ZNF558: variants seen among roughly 807,000 people sequenced by gnomAD.
ZNF558 encodes zinc finger protein 558.
In ZNF558, 23 loss-of-function variants were observed where a neutral mutation model predicts 37.6. The ratio of observed to expected loss-of-function variants is 0.61; its 90% confidence interval spans 0.44 to 0.87. ZNF558 has a LOEUF of 0.87. Among genes scored for constraint, ZNF558 ranks in the 40% least tolerant of loss-of-function variants. The pLI, the probability that ZNF558 is intolerant of heterozygous loss-of-function variation, is 0.00. For synonymous variants in ZNF558, 189 were observed against 174.4 expected, an observed-to-expected ratio of 1.08 and a Z score of -0.66; for missense variants, 429 against 483.7, an observed-to-expected ratio of 0.89 and a Z score of 1.06.
At chr19:8,813,283 A>ACC in intron 7 of ZNF558, 61 bp from the exon 8 acceptor site, 1 of 1,296,348 alleles carries the variant, frequency 7.7e-7, no homozygotes. Context: ...CAAGTCCATG[A>ACC]AAGAAAGCCA....
At chr19:8,819,514 T>C (rs1369766336) in intron 7 of ZNF558, among the ~76,000 whole-genome samples, 5 of 152,160 alleles carry the variant, frequency 3.3e-5, no homozygotes, top group Non-Finnish European at 7.3e-5. Flanking sequence ...AAGGACACTA[T>C]CAAGAAAATG....
intron 2 of ZNF558, among the ~76,000 whole-genome samples, chr19:8,827,254 G>C (rs984836075): frequency 6.6e-6 from 1 of 152,208 alleles, no homozygotes; most frequent in Admixed American, 6.5e-5. Flanking sequence ...GGTGATGATG[G>C]AAATGTTCTA....
At chr19:8,819,496 G>A (rs1198968575) in intron 7 of ZNF558, among the ~76,000 whole-genome samples, 1 of 152,008 alleles carries the variant, frequency 6.6e-6, no homozygotes, top group Non-Finnish European at 1.5e-5. Context: ...TAAAACTTTT[G>A]TGCATCAAAG....
At chr19:8,831,461 G>C (rs1345405462) in intron 1 of ZNF558, 60 bp from the exon 2 acceptor site, 1 of 151,582 alleles carries the variant, frequency 6.6e-6, no homozygotes, top group Non-Finnish European at 1.5e-5. Flanking sequence ...TTGTACAGTT[G>C]TTGGATACGG....
Position 8,810,415 on chromosome 19 carries a change from A to C in ZNF558, c.*866T>G, listed in dbSNP as rs935735042. 3.3e-5 allele frequency: 5 copies of C among 152,212 alleles called. No individual in the cohort carries two copies. The highest frequency in any genetic ancestry group is 7.3e-5 in the Non-Finnish European group (5 of 68,058). The allele number at this position is 152,212 out of a possible 1,614,324, so 9.4% of individuals were successfully genotyped here. A position where few individuals can be genotyped will look rare whatever the true frequency, so the allele number is the denominator to read the frequency against. On this transcript the variant is annotated 3_prime_UTR_variant, in exon 10 of 10. Coordinates refer to ENST00000601372, the MANE Select transcript of ZNF558 (RefSeq NM_144693.3). ...GAGACCTTCACAGGTTTTCTCCCTT[A>C]GTGTGAGCTGTCACATGAATCCCTG...
chr19:8,815,989 G>A (rs1189914163), intron 7 of ZNF558, among the ~76,000 whole-genome samples: 2 of 152,000 alleles, frequency 1.3e-5, no homozygotes, highest in Non-Finnish European at 1.5e-5. Context: ...AGGCACAAAT[G>A]TACAAATCCA....
chr19:8,820,382 A>G (rs1315660419), intron 7 of ZNF558, among the ~76,000 whole-genome samples: 2 of 152,266 alleles, frequency 1.3e-5, no homozygotes, highest in Non-Finnish European at 2.9e-5. Flanking sequence ...ATGTTTCTCA[A>G]TAGAAAAATG....
chr19:8,814,045 G>T (rs1353161625), intron 7 of ZNF558, among the ~76,000 whole-genome samples: 2 of 152,210 alleles, frequency 1.3e-5, no homozygotes, highest in Non-Finnish European at 2.9e-5. Context: ...CAAAAACAGT[G>T]AGTAAACTGG....
upstream of ZNF558, among the ~76,000 whole-genome samples, chr19:8,833,754 C>T (rs185727305): frequency 1.8e-3 from 280 of 152,140 alleles, no homozygotes; most frequent in Non-Finnish European, 3.3e-3. Flanking sequence ...TTTGGGAGGC[C>T]GAGGCAGGCA....
chr19:8,812,429 C>A (rs782379597), intron 9 of ZNF558, 132 bp downstream of exon 9: 6 of 571,410 alleles, frequency 1.1e-5, no homozygotes, highest in Non-Finnish European at 1.8e-5. Flanking sequence ...CACAGTGTCT[C>A]TCCAGGAACA....
chr19:8,837,976 C>T, the ZNF558 span, among the ~76,000 whole-genome samples: 4 of 151,786 alleles, frequency 2.6e-5, no homozygotes, highest in Admixed American at 6.6e-5. Flanking sequence ...TGGCCAGGCA[C>T]GGTGGCTCAC....
chr19:8,813,006 T>C (rs577619581), intron 8 of ZNF558, 121 bp downstream of exon 8: 7 of 737,396 alleles, frequency 9.5e-6, no homozygotes, highest in African/African-American at 8.8e-5. Context: ...CGTGCATGTT[T>C]GTCAGGAACA....
chr19:8,821,976 A>G, intron 6 of ZNF558, 27 bp downstream of exon 6: 1 of 1,613,326 alleles, frequency 6.2e-7, no homozygotes, highest in Non-Finnish European at 8.5e-7. Flanking sequence ...AGGAATAATG[A>G]TTTGGGAAAA....
In ZNF558 at chr19:8,815,680, G is replaced by A. The variant is rs553045970; in HGVS notation, c.248-2458C>T. Among the ~76,000 whole-genome samples the A allele has an allele frequency of 4.6e-5, 7 of 152,168 alleles. No individual in the cohort carries two copies. In the East Asian group the frequency reaches 5.8e-4, roughly 13 times the overall value. On this transcript the variant is annotated intron_variant, in intron 7 of 9. Transcript: ENST00000601372. ...GTCTCTAGCCATGCCTCCCTATTTG[G>A]GAGGCTGAGGTGGGAGGATCACTTG...
chr19:8,811,443 C>T lies in ZNF558; in HGVS notation c.1047G>A (p.Glu349=). 6.2e-7 allele frequency: 1 copy of T among 1,613,772 alleles called. No homozygotes were observed. The highest frequency in any genetic ancestry group is 1.1e-5 in the South Asian group (1 of 91,042). The change falls in exon 10 of 10, where the codon GAG becomes GAA. Residue 349 remains glutamate, a synonymous_variant. Transcript: ENST00000601372. ...TAAAGGCTTTTCCACAGTCACTGCA[C>T]TCGTAGGGTTTCTCTCCGGTATGTA... The part of the protein sequence containing the change: ...KRIHTGEKPY[E]CSDCGKAFNN...
At position 8,812,541 on chromosome 19, in the gene ZNF558, AT is replaced by A. The variant is rs782741369; in HGVS notation, c.426+19del. On this transcript the variant is annotated intron_variant, in intron 9 of 9. Transcript: ENST00000601372. ...ATTCTCCTACTGTAGAAAACCAGAA[AT>A]CACCCATGTTAGTCTTACCGTTTTT... The A allele has an allele frequency of 3.3e-6, 5 of 1,500,026 alleles. No homozygotes were observed. Among genetic ancestry groups the A allele is most frequent in the Non-Finnish European group, 4.5e-6 (5 of 1,123,200 alleles). 92.9% of individuals were successfully genotyped at this position (1,500,026 alleles called of 1,614,324 possible). A position where few individuals can be genotyped will look rare whatever the true frequency, so the allele number is the denominator to read the frequency against.
upstream of ZNF558, among the ~76,000 whole-genome samples, chr19:8,835,433 G>A (rs1349964356): frequency 2.6e-5 from 4 of 152,016 alleles, no homozygotes; most frequent in African/African-American, 9.7e-5. Context: ...AAAGATGCTC[G>A]GCCCCATTAA....
At position 8,812,171 on chromosome 19, in the gene ZNF558, T is replaced by G. The variant is rs981083246; in HGVS notation, c.427-108A>C. 48 of 1,121,588 alleles carry G rather than the reference T, an allele frequency of 4.3e-5. No homozygotes were observed. In the Middle Eastern group the frequency reaches 1.5e-3, roughly 35 times the overall value. The allele number at this position is 1,121,588 out of a possible 1,614,324, so 69.5% of individuals were successfully genotyped here. A position where few individuals can be genotyped will look rare whatever the true frequency, so the allele number is the denominator to read the frequency against. ...AATTCTGTTACATTATTATAATTGA[T>G]ATTTTGGCTACTTTCAGTGGTTGTA... On this transcript the variant is annotated intron_variant, in intron 9 of 9. Transcript: ENST00000601372.
At chr19:8,836,094 A>C (rs527450010), upstream of ZNF558, among the ~76,000 whole-genome samples, 4 of 152,206 alleles carry the variant, frequency 2.6e-5, no homozygotes, top group African/African-American at 9.7e-5. Flanking sequence ...AACTGTGTGA[A>C]TGTACTAAAA....
Sources: gnomAD v4.1 joint callset for allele counts (sites outside exome capture counted in the v4.1 genomes callset) on GRCh38, gnomAD v4.1.1 for gene constraint, MANE v1.5 for transcripts, NCBI Gene and HGNC (gene_info 2026-07-23, HGNC 2026-07-21) for gene names.